The following LTBP1 variants were observed in gnomAD, a reference collection of about 807,000 sequenced individuals.
LTBP1 encodes the protein latent transforming growth factor beta binding protein 1.
LTBP1 carries 129 observed loss-of-function variants against 207.6 expected under a neutral mutation model. That is an observed-to-expected ratio of 0.62 (90% confidence interval 0.54 to 0.72). LTBP1 has a LOEUF of 0.72. LTBP1 is among the 30% of genes least tolerant of loss of function. The pLI, the probability that LTBP1 is intolerant of heterozygous loss-of-function variation, is 0.00. For missense variants in LTBP1, 2,281 were observed against 2,217.2 expected (o/e 1.03, Z -0.58); for synonymous variants, 963 against 833.7 (o/e 1.16, Z -2.67).
At chr2:33,338,005 G>T (rs2094572647) in intron 24 of LTBP1, among the ~76,000 whole-genome samples, 1 of 152,164 alleles carries the variant, frequency 6.6e-6, no homozygotes, top group Non-Finnish European at 1.5e-5. Flanking sequence ...CATCATCAAA[G>T]AAAATTCTAA....
chr2:33,170,298 C>A (rs887010559), intron 5 of LTBP1, among the ~76,000 whole-genome samples: 7 of 152,166 alleles, frequency 4.6e-5, no homozygotes, highest in African/African-American at 1.4e-4. Context: ...GTCACTCCCA[C>A]CCTAATACTG....
intron 2 of LTBP1, among the ~76,000 whole-genome samples, chr2:32,955,590 A>G (rs534459134): frequency 8.1e-4 from 123 of 151,722 alleles, no homozygotes; most frequent in African/African-American, 2.9e-3. Flanking sequence ...GTGCCTTTTA[A>G]AAAAGATTTT....
rs966181054 is a variant in LTBP1 at position 33,254,870 on chromosome 2, T to G, written c.2167+2026T>G. Among the ~76,000 whole-genome samples, 9 of 123,642 alleles carry G rather than the reference T, an allele frequency of 7.3e-5. No individual in the cohort carries two copies. The South Asian group carries it at 1.4e-3, about 20-fold the overall frequency. 81.1% of individuals were successfully genotyped at this position (123,642 alleles called of 152,430 possible). On this transcript the variant is annotated intron_variant, in intron 11 of 33. Transcript: ENST00000404816. ...GTGTTTGGTTTTTTTTTTTTTTTTT[T>G]TTTTTTTTTTTTTGTATTTTCTATT... is the stretch of plus-strand genomic sequence containing the variant.
chr2:33,372,009 A>G (rs937960908), intron 31 of LTBP1, among the ~76,000 whole-genome samples: 6 of 152,108 alleles, frequency 3.9e-5, no homozygotes, highest in Admixed American at 1.3e-4. Context: ...TCTGATAGAA[A>G]TCGATCGTAT....
At chr2:32,970,001 T>A (rs1680620528) in intron 2 of LTBP1, among the ~76,000 whole-genome samples, 1 of 152,230 alleles carries the variant, frequency 6.6e-6, no homozygotes, top group African/African-American at 2.4e-5. Flanking sequence ...TGGTTTTGAT[T>A]TGTATTTCTC....
At chr2:32,987,383 C>A (rs566233103) in intron 2 of LTBP1, among the ~76,000 whole-genome samples, 1 of 152,144 alleles carries the variant, frequency 6.6e-6, no homozygotes, top group Non-Finnish European at 1.5e-5. Flanking sequence ...GCTTGCTGTT[C>A]ATGTATTGAG....
intron 2 of LTBP1, among the ~76,000 whole-genome samples, chr2:32,972,731 A>T (rs1681098184): frequency 6.6e-6 from 1 of 152,072 alleles, no homozygotes; most frequent in Non-Finnish European, 1.5e-5. Flanking sequence ...ATGAGATCTG[A>T]TGGTTTTAAA....
chr2:33,021,596 A>G (rs916368101), intron 3 of LTBP1, among the ~76,000 whole-genome samples: 5 of 152,212 alleles, frequency 3.3e-5, no homozygotes, highest in Admixed American at 2.0e-4. Flanking sequence ...GTTATTTTTA[A>G]AGTTATCTGG....
In LTBP1 at chr2:33,134,483, C is replaced by T. The variant is rs745975602; in HGVS notation, c.1034-310C>T. ...CCCTCGGTATTGCTCTTTGTCTGCC[C>T]GTGAATAAAGTGCAGCATTGTGGTT... On this transcript the variant is annotated intron_variant, in intron 4 of 33. Coordinates refer to ENST00000404816, the MANE Select transcript of LTBP1 (RefSeq NM_206943.4). The surrounding 1 kb of genome is among the most constrained non-coding windows in gnomAD (Gnocchi z 4.4). The T allele has an allele frequency of 9.9e-6, 12 of 1,215,588 alleles. No homozygotes were observed. Among genetic ancestry groups the T allele is most frequent in the South Asian group, 1.3e-5 (1 of 77,816 alleles). 75.3% of individuals were successfully genotyped at this position (1,215,588 alleles called of 1,614,324 possible).
intron 2 of LTBP1, among the ~76,000 whole-genome samples, chr2:33,015,949 C>G (rs1366040654): frequency 6.6e-6 from 1 of 152,134 alleles, no homozygotes; most frequent in South Asian, 2.1e-4. Context: ...TGGTGCTAAC[C>G]CATTAATGAG....
At chr2:33,194,281 G>A (rs1219349686) in intron 7 of LTBP1, among the ~76,000 whole-genome samples, 1 of 151,810 alleles carries the variant, frequency 6.6e-6, no homozygotes, top group South Asian at 2.1e-4. Context: ...CACCGAGCCC[G>A]GCCACATCTC....
At chr2:33,003,834 C>G (rs781657628) in intron 2 of LTBP1, among the ~76,000 whole-genome samples, 15 of 151,020 alleles carry the variant, frequency 9.9e-5, no homozygotes, top group Non-Finnish European at 1.5e-4. Context: ...TCACAAAAAC[C>G]TCTGCAAAAA....
In LTBP1 at chr2:33,217,559, A is replaced by G. The variant is rs1461604470; in HGVS notation, c.1709A>G (p.Lys570Arg). Residue 570 changes from lysine (K) to arginine (R), a missense_variant, in exon 8 of 34, where the codon AAA becomes AGA. By Grantham distance (26) the Lys-to-Arg change is conservative (BLOSUM62 2). Coordinates refer to ENST00000404816, the MANE Select transcript of LTBP1 (RefSeq NM_206943.4). ...CACACCTAATCATTGCAGTGTGGCA[A>G]AGCGCTCCCTGGCCTTTCAAAGCAA... ...FQETIGSQCGKALPGLSKQED... is the reference protein window; with the variant it reads ...FQETIGSQCGRALPGLSKQED... The G allele has an allele frequency of 1.2e-6, 2 of 1,613,406 alleles. No individual in the cohort carries two copies. The highest frequency in any genetic ancestry group is 2.2e-5 in the South Asian group (2 of 91,060).
intron 32 of LTBP1, among the ~76,000 whole-genome samples, chr2:33,391,626 C>A (rs1288203561): frequency 2.6e-5 from 4 of 152,132 alleles, no homozygotes; most frequent in Non-Finnish European, 5.9e-5. Context: ...ATGAAAAGCA[C>A]TGAAACCTCA....
At chr2:32,989,809 C>T (rs1230380789) in intron 2 of LTBP1, among the ~76,000 whole-genome samples, 1 of 152,198 alleles carries the variant, frequency 6.6e-6, no homozygotes, top group African/African-American at 2.4e-5. Context: ...GCTATATGAC[C>T]TCTCTGTGCC....
chr2:33,276,908 A>G (rs908612261), intron 18 of LTBP1, among the ~76,000 whole-genome samples: 8 of 152,356 alleles, frequency 5.3e-5, no homozygotes, highest in African/African-American at 1.9e-4. Flanking sequence ...AATTATTTTC[A>G]TGAAGAAATA....
intron 2 of LTBP1, among the ~76,000 whole-genome samples, chr2:33,004,815 A>ATATATATATATATAT (rs1558501551): frequency 1.4e-5 from 2 of 143,624 alleles, no homozygotes; most frequent in Non-Finnish European, 3.0e-5. Flanking sequence ...ATATATATAT[A>ATATATATATATATAT]AACATAAAAT....
intron 9 of LTBP1, among the ~76,000 whole-genome samples, chr2:33,242,114 C>G (rs12623100): frequency 0.16 from 23,672 of 152,112 alleles, 2,242 homozygotes; most frequent in East Asian, 0.23. Context: ...AAATTGCATG[C>G]TCTGAGTAAA....
chr2:33,182,697 T>TACACACAC lies in LTBP1; in HGVS notation c.1202-4158_1202-4157insCACACACA, dbSNP rs1286844023. ...AGAAGAAAAGATGGTGATATATATATATACACACACACACACACACACACA... is the reference window on the plus strand; with the variant it reads ...AGAAGAAAAGATGGTGATATATATATACACACACATACACACACACACACACACACACA... On this transcript the variant is annotated intron_variant, in intron 5 of 33. Transcript: ENST00000404816. 4.2e-3 allele frequency among the ~76,000 whole-genome samples: 366 copies of TACACACAC among 87,840 alleles called. 25 individuals are homozygous for TACACACAC. Among genetic ancestry groups the TACACACAC allele is most frequent in the African/African-American group, 0.016 (347 of 21,132 alleles). 57.6% of individuals were successfully genotyped at this position (87,840 alleles called of 152,430 possible).
Sources: gnomAD v4.1 joint callset for allele counts (sites outside exome capture counted in the v4.1 genomes callset) on GRCh38, gnomAD v4.1.1 for gene constraint, Gnocchi (gnomAD v3.1) non-coding constraint, MANE v1.5 for transcripts, NCBI Gene and HGNC (gene_info 2026-07-23, HGNC 2026-07-21) for gene names.